The following RABGAP1L variants were observed in gnomAD, a reference collection of about 807,000 sequenced individuals.
RABGAP1L encodes the protein RAB GTPase activating protein 1 like.
RABGAP1L carries 63 observed loss-of-function variants against 137.7 expected under a neutral mutation model. That is an observed-to-expected ratio of 0.46 (90% CI 0.37 to 0.56). RABGAP1L has a LOEUF of 0.56. Ranked by LOEUF, RABGAP1L falls within the 20% of genes least tolerant of loss-of-function variation. The probability of loss-of-function intolerance (pLI) is 0.00; values close to 1 mark genes in which losing one functional copy is unlikely to be tolerated. For synonymous variants in RABGAP1L, 431 were observed against 433.7 expected, an observed-to-expected ratio of 0.99 and a Z score of 0.08; for missense variants, 1,095 against 1,244.0, an observed-to-expected ratio of 0.88 and a Z score of 1.80.
chr1:174,609,618 C>CA (rs1343044354), intron 13 of RABGAP1L, among the ~76,000 whole-genome samples: 1 of 152,086 alleles, frequency 6.6e-6, no homozygotes, highest in Non-Finnish European at 1.5e-5. Context: ...TGATCCTTAC[C>CA]TAACCTTCAT....
chr1:174,384,248 A>G (rs1249423879), intron 12 of RABGAP1L, among the ~76,000 whole-genome samples: 1 of 152,242 alleles, frequency 6.6e-6, no homozygotes. Flanking sequence ...GAAGCATGTC[A>G]GTAGTTGTTA....
chr1:174,638,117 G>A (rs911500254), intron 14 of RABGAP1L, among the ~76,000 whole-genome samples: 2 of 152,150 alleles, frequency 1.3e-5, no homozygotes, highest in Admixed American at 6.5e-5. Flanking sequence ...ATGAAGTGTG[G>A]TGGGTATACT....
rs1055476778 is a variant in RABGAP1L, at chr1:174,704,129, C to T, written c.2169+1873C>T. On this transcript the variant is annotated intron_variant, in intron 17 of 25. Transcript: ENST00000681986. ...TCTCCTGCCTCGGCCTCCCAGGTAGCTGGAACTACAGACACACAACACCAT... is the reference window on the plus strand; with the variant it reads ...TCTCCTGCCTCGGCCTCCCAGGTAGTTGGAACTACAGACACACAACACCAT... Among the ~76,000 whole-genome samples, 30 of 152,314 alleles carry T rather than the reference C, an allele frequency of 2.0e-4. 1 individual carries two copies. The highest frequency in any genetic ancestry group is 1.9e-3 in the Admixed American group (29 of 15,302).
chr1:174,463,542 A>G lies in RABGAP1L; in HGVS notation c.1710+69397A>G, dbSNP rs570543577. Among the ~76,000 whole-genome samples the G allele has an allele frequency of 1.4e-3, 212 of 152,228 alleles. 5 individuals carry two copies. The highest frequency in any genetic ancestry group is 4.9e-3 in the African/African-American group (203 of 41,536). ...TGGGGGAGGGGGAAGGGATAGCATT[A>G]GGAGATATACCTAATGCTAAATGAC... On this transcript the variant is annotated intron_variant, in intron 13 of 25. Transcript: ENST00000681986.
intron 13 of RABGAP1L, among the ~76,000 whole-genome samples, chr1:174,543,488 C>A (rs767284645): frequency 1.3e-4 from 20 of 151,996 alleles, no homozygotes; most frequent in Non-Finnish European, 2.8e-4. Flanking sequence ...CTATGTGTTT[C>A]CCTGCCTGTG....
chr1:174,715,514 A>G (rs1680923130), intron 17 of RABGAP1L, among the ~76,000 whole-genome samples: 3 of 152,208 alleles, frequency 2.0e-5, no homozygotes, highest in African/African-American at 7.2e-5. Flanking sequence ...TGGGCCACAC[A>G]CTGTACTAAA....
intron 11 of RABGAP1L, among the ~76,000 whole-genome samples, chr1:174,332,437 C>T (rs1681111259): frequency 6.6e-6 from 1 of 151,824 alleles, no homozygotes; most frequent in Non-Finnish European, 1.5e-5. Flanking sequence ...CACTGTGTTG[C>T]CAAGGCTGGA....
At position 174,909,220 on chromosome 1, in the gene RABGAP1L, A is replaced by C. The variant is rs553932306; in HGVS notation, c.2341-48237A>C. ...AGTACTAAAAAGGAAATTTTTTAAAAGGTTTTTTTTTGTTTGTTTTTGAGA... is the reference window on the plus strand; with the variant it reads ...AGTACTAAAAAGGAAATTTTTTAAACGGTTTTTTTTTGTTTGTTTTTGAGA... On this transcript the variant is annotated intron_variant, in intron 19 of 25. Coordinates refer to ENST00000681986, the MANE Select transcript of RABGAP1L (RefSeq NM_001366446.1). Among the ~76,000 whole-genome samples, 65 of 151,636 alleles carry C rather than the reference A, an allele frequency of 4.3e-4. 1 individual carries two copies. The highest frequency in any genetic ancestry group is 6.8e-4 in the Non-Finnish European group (46 of 67,850).
At chr1:174,532,842 A>G (rs1252764047) in intron 13 of RABGAP1L, among the ~76,000 whole-genome samples, 1 of 152,254 alleles carries the variant, frequency 6.6e-6, no homozygotes, top group Non-Finnish European at 1.5e-5. Context: ...GTTGCCACTA[A>G]TACCACTTAT....
chr1:174,790,351 C>T (rs536074427), intron 18 of RABGAP1L, among the ~76,000 whole-genome samples: 86 of 152,092 alleles, frequency 5.7e-4, no homozygotes, highest in African/African-American at 2.0e-3. Flanking sequence ...GGGCCGGGCA[C>T]GGTGGCTAAT....
At chr1:174,908,792 C>T (rs183575288) in intron 19 of RABGAP1L, among the ~76,000 whole-genome samples, 1 of 151,030 alleles carries the variant, frequency 6.6e-6, no homozygotes, top group East Asian at 2.0e-4. Flanking sequence ...GATCTGCCCA[C>T]CTCGGCCTCC....
chr1:174,698,407 A>C (rs1361810602), intron 15 of RABGAP1L, among the ~76,000 whole-genome samples: 2 of 152,230 alleles, frequency 1.3e-5, no homozygotes, highest in Non-Finnish European at 2.9e-5. Context: ...TGTATTTTAC[A>C]GAAAGTAGCA....
At chr1:174,883,370 G>A (rs148986541) in intron 19 of RABGAP1L, among the ~76,000 whole-genome samples, 5 of 152,152 alleles carry the variant, frequency 3.3e-5, no homozygotes, top group African/African-American at 1.2e-4. Flanking sequence ...ATTTGAAGAA[G>A]GTCTAAAGGA....
intron 13 of RABGAP1L, among the ~76,000 whole-genome samples, chr1:174,608,814 A>G (rs1282957336): frequency 6.6e-6 from 1 of 152,174 alleles, no homozygotes; most frequent in Non-Finnish European, 1.5e-5. Flanking sequence ...AGTTTAGGAA[A>G]TTGATTATTT....
At chr1:174,940,764 AC>A (rs1346749939) in intron 19 of RABGAP1L, among the ~76,000 whole-genome samples, 2 of 152,248 alleles carry the variant, frequency 1.3e-5, no homozygotes, top group Admixed American at 1.3e-4. Context: ...AAGCCTGGCT[AC>A]CAAAACAATC....
intron 19 of RABGAP1L, among the ~76,000 whole-genome samples, chr1:174,838,518 A>G (rs1237827250): frequency 6.6e-6 from 1 of 152,190 alleles, no homozygotes; most frequent in Non-Finnish European, 1.5e-5. Context: ...TATCTAACTG[A>G]TGATAGTGAC....
chr1:174,937,637 TTGC>T (rs1665105892), intron 19 of RABGAP1L, among the ~76,000 whole-genome samples: 1 of 138,480 alleles, frequency 7.2e-6, no homozygotes, highest in African/African-American at 3.0e-5. Context: ...TATATATATC[TTGC>T]AGTTAGAAAC....
chr1:174,855,867 T>G (rs373296847), intron 19 of RABGAP1L, among the ~76,000 whole-genome samples: 6 of 152,206 alleles, frequency 3.9e-5, no homozygotes, highest in East Asian at 1.9e-4. Flanking sequence ...GTTCTTGAGT[T>G]TTTCATTCTG....
At chr1:174,501,165 C>T (rs2147759762) in intron 13 of RABGAP1L, among the ~76,000 whole-genome samples, 1 of 151,748 alleles carries the variant, frequency 6.6e-6, no homozygotes, top group East Asian at 1.9e-4. Context: ...TCCATGCCCT[C>T]TGAGACCCTA....
Sources: allele counts gnomAD v4.1 joint callset (sites outside exome capture counted in the v4.1 genomes callset), GRCh38; gene constraint gnomAD v4.1.1; transcripts MANE v1.5; gene names NCBI Gene and HGNC (gene_info 2026-07-23, HGNC 2026-07-21).